Variants in TEC observed in about 807,000 individuals in gnomAD.
TEC encodes the protein tec protein tyrosine kinase, also known as tyrosine-protein kinase Tec.
In TEC, 72 loss-of-function variants were observed where a neutral mutation model predicts 93.0. That is an observed-to-expected ratio of 0.77 (90% CI 0.64 to 0.94). The LOEUF is 0.94. Among genes scored for constraint, TEC ranks in the 40% least tolerant of loss-of-function variants. The probability of loss-of-function intolerance (pLI) is 0.00; values close to 1 mark genes in which losing one functional copy is unlikely to be tolerated. For synonymous variants in TEC, 249 were observed against 247.7 expected (o/e 1.01, Z -0.05); for missense variants, 630 against 757.9 (o/e 0.83, Z 1.98).
chr4:48,149,019 G>A (rs1479645824), intron 11 of TEC, among the ~76,000 whole-genome samples: 1 of 151,994 alleles, frequency 6.6e-6, no homozygotes, highest in Admixed American at 6.6e-5. Flanking sequence ...CTTCTTTTAC[G>A]GCTTCATAGA....
intron 9 of TEC, among the ~76,000 whole-genome samples, chr4:48,155,447 T>C (rs1446637805): frequency 6.6e-6 from 1 of 152,216 alleles, no homozygotes; most frequent in Non-Finnish European, 1.5e-5. Flanking sequence ...CAGTGACAAC[T>C]ACTGGGACTC....
intron 1 of TEC, among the ~76,000 whole-genome samples, chr4:48,266,834 G>C (rs1440600917): frequency 1.0e-5 from 1 of 97,440 alleles, no homozygotes; most frequent in African/African-American, 3.1e-5. Context: ...GCAAAACTCT[G>C]TCTCAAAAAA....
intron 1 of TEC, among the ~76,000 whole-genome samples, chr4:48,229,089 C>T (rs1186245432): frequency 6.6e-6 from 1 of 152,170 alleles, no homozygotes; most frequent in African/African-American, 2.4e-5. Flanking sequence ...ACACAGCCAA[C>T]TCATGAACAA....
At chr4:48,268,677 C>A (rs1267450436) in intron 1 of TEC, among the ~76,000 whole-genome samples, 1 of 152,178 alleles carries the variant, frequency 6.6e-6, no homozygotes, top group African/African-American at 2.4e-5. Context: ...TTCTTCCCAG[C>A]TCTTTAGCAG....
chr4:48,153,103 G>T (rs1487194185), intron 9 of TEC, among the ~76,000 whole-genome samples: 1 of 151,584 alleles, frequency 6.6e-6, no homozygotes, highest in Non-Finnish European at 1.5e-5. Context: ...CTTTTTAAAG[G>T]TATAGCAATT....
intron 17 of TEC, among the ~76,000 whole-genome samples, chr4:48,138,130 A>C (rs1719508016): frequency 6.6e-6 from 1 of 152,226 alleles, no homozygotes; most frequent in Non-Finnish European, 1.5e-5. Context: ...CTACAGTCAA[A>C]GTATCTCCAC....
chr4:48,186,710 T>A (rs568707101), intron 2 of TEC, among the ~76,000 whole-genome samples: 72 of 149,268 alleles, frequency 4.8e-4, no homozygotes, highest in African/African-American at 1.7e-3. Context: ...AGCCGCCCCG[T>A]CCAGGAGGTG....
At chr4:48,195,847 G>A (rs1442347768) in intron 2 of TEC, among the ~76,000 whole-genome samples, 1 of 152,148 alleles carries the variant, frequency 6.6e-6, no homozygotes. Flanking sequence ...ATTCATCCCT[G>A]TTGCAGAATA....
At chr4:48,261,775 A>G (rs1284047603) in intron 1 of TEC, among the ~76,000 whole-genome samples, 2 of 152,176 alleles carry the variant, frequency 1.3e-5, no homozygotes, top group Non-Finnish European at 2.9e-5. Flanking sequence ...TTTCAAGGTT[A>G]AAAGCTTTAA....
chr4:48,210,654 G>A (rs1014394634), intron 2 of TEC, among the ~76,000 whole-genome samples: 5 of 152,060 alleles, frequency 3.3e-5, no homozygotes, highest in Admixed American at 1.3e-4. Flanking sequence ...CACAGCAGAC[G>A]ACCCCCAACA....
At chr4:48,235,889 T>C (rs2109649229) in intron 1 of TEC, among the ~76,000 whole-genome samples, 1 of 152,198 alleles carries the variant, frequency 6.6e-6, no homozygotes, top group East Asian at 1.9e-4. Context: ...TGTCTACACT[T>C]TACACATCAC....
At chr4:48,212,294 G>T (rs560984252) in intron 2 of TEC, among the ~76,000 whole-genome samples, 1 of 152,098 alleles carries the variant, frequency 6.6e-6, no homozygotes, top group East Asian at 1.9e-4. Context: ...CCCGTTGCAA[G>T]GTTTGTTATC....
intron 1 of TEC, among the ~76,000 whole-genome samples, chr4:48,229,744 C>T (rs1278732455): frequency 6.6e-6 from 1 of 151,608 alleles, no homozygotes; most frequent in Non-Finnish European, 1.5e-5. Flanking sequence ...CACTGCACTC[C>T]AGCCTGGGTG....
chr4:48,187,259 C>T (rs1260372160), intron 2 of TEC, among the ~76,000 whole-genome samples: 5 of 152,060 alleles, frequency 3.3e-5, no homozygotes, highest in Admixed American at 6.5e-5. Context: ...CATCACCACT[C>T]CCTAATCTCA....
At chr4:48,227,641 CAA>C (rs34047322) in intron 2 of TEC, among the ~76,000 whole-genome samples, 9 of 84,284 alleles carry the variant, frequency 1.1e-4, no homozygotes, top group Admixed American at 2.8e-4. Context: ...GACACTGTCT[CAA>C]AAAAAAAAAA....
At chr4:48,204,909 G>T (rs1446488443) in intron 2 of TEC, among the ~76,000 whole-genome samples, 2 of 152,130 alleles carry the variant, frequency 1.3e-5, no homozygotes, top group African/African-American at 4.8e-5. Flanking sequence ...AGGGGCTGGG[G>T]ACCCCTGCTG....
At chr4:48,184,770 TACACACACAC>T (rs58704241) in intron 2 of TEC, among the ~76,000 whole-genome samples, 62 of 141,048 alleles carry the variant, frequency 4.4e-4, no homozygotes, top group African/African-American at 1.3e-3. Flanking sequence ...ACAAAAAAAA[TACACACACAC>T]ACACACACAC....
intron 1 of TEC, among the ~76,000 whole-genome samples, chr4:48,265,511 A>ATC (rs1724617522): frequency 1.0e-5 from 1 of 96,056 alleles, no homozygotes; most frequent in Non-Finnish European, 2.4e-5. Context: ...ATATATATAT[A>ATC]TATATTTTTT....
chr4:48,230,024 G>A (rs147825489), intron 1 of TEC, among the ~76,000 whole-genome samples: 1,521 of 151,312 alleles, frequency 0.01, 26 homozygotes, highest in African/African-American at 0.034. Context: ...TCAGTGAGCC[G>A]AGATCGCACC....
Sources: allele counts gnomAD v4.1 joint callset (sites outside exome capture counted in the v4.1 genomes callset), GRCh38; gene constraint gnomAD v4.1.1; transcripts MANE v1.5; gene names NCBI Gene and HGNC (gene_info 2026-07-23, HGNC 2026-07-21).